Variants in ZC3HC1 observed in about 807,000 individuals in gnomAD.
The protein encoded by ZC3HC1 is zinc finger C3HC-type containing 1, also known as zinc finger C3HC-type protein 1.
In ZC3HC1, 38 loss-of-function variants were observed where a neutral mutation model predicts 61.9. The ratio of observed to expected loss-of-function variants is 0.61; its 90% CI spans 0.47 to 0.81. The LOEUF (loss-of-function observed/expected upper bound fraction) is 0.81. Ranked by LOEUF, ZC3HC1 falls within the 30% of genes least tolerant of loss-of-function variation. The probability of loss-of-function intolerance (pLI) is 0.00; values close to 1 mark genes in which losing one functional copy is unlikely to be tolerated. For synonymous variants in ZC3HC1, 213 were observed against 229.9 expected (o/e 0.93, Z 0.67); for missense variants, 554 against 622.7 (o/e 0.89, Z 1.17).
intron 3 of ZC3HC1, 134 bp from the exon 4 acceptor site, chr7:130,039,681 T>A (rs565917462): frequency 1.7e-6 from 1 of 597,044 alleles, no homozygotes; most frequent in Non-Finnish European, 2.8e-6. Context: ...AAGTACATAA[T>A]CTTAATATTT....
intron 9 of ZC3HC1, among the ~76,000 whole-genome samples, chr7:130,021,021 C>G (rs1793620560): frequency 6.6e-6 from 1 of 152,070 alleles, no homozygotes; most frequent in Non-Finnish European, 1.5e-5. Flanking sequence ...CCTCAGCCTC[C>G]CCAATAGCTG....
In ZC3HC1 at chr7:130,022,428, C is replaced by T. The variant is rs749553313; in HGVS notation, c.1331G>A (p.Gly444Asp). 1.9e-6 allele frequency: 3 copies of T among 1,612,218 alleles called. No individual in the cohort carries two copies. In the South Asian group the frequency reaches 3.3e-5, roughly 18 times the overall value. The change falls in exon 9 of 10, where the codon GGT becomes GAT. Residue 444 changes from glycine (G) to aspartate (D), a missense_variant. By Grantham distance (94) the Gly-to-Asp change is moderately conservative. Transcript: ENST00000358303. ...GGCGCTGGCATCTGGTTCAGTTCCACCATTCTCCCTGCTTTCTTTGCCAAG... is the reference window on the plus strand; with the variant it reads ...GGCGCTGGCATCTGGTTCAGTTCCATCATTCTCCCTGCTTTCTTTGCCAAG... Reference protein sequence around the residue: ...ITLGKESRENGGTEPDASAPA... With the variant: ...ITLGKESRENDGTEPDASAPA...
At chr7:130,034,619 C>T (rs936687560) in intron 4 of ZC3HC1, among the ~76,000 whole-genome samples, 6 of 151,784 alleles carry the variant, frequency 4.0e-5, no homozygotes, top group Non-Finnish European at 7.4e-5. Context: ...TTCAACCTCA[C>T]GAGTAGCTTA....
intron 7 of ZC3HC1, 105 bp downstream of exon 7, chr7:130,024,158 G>A: frequency 4.9e-6 from 7 of 1,426,722 alleles, no homozygotes; most frequent in Non-Finnish European, 6.6e-6. Flanking sequence ...CCAATGTAGT[G>A]GGAAGAGAAG....
At position 130,046,249 on chromosome 7, in the gene ZC3HC1, C is replaced by T. The variant is rs148918683; in HGVS notation, c.258+2784G>A. Among the ~76,000 whole-genome samples the T allele has an allele frequency of 1.4e-4, 21 of 152,196 alleles. No homozygotes were observed. The East Asian group carries it at 4.1e-3, about 29-fold the overall frequency. Reference sequence around the variant, plus strand: ...ATCTGTGCAGTAAACCACCATGGCACACGTTTACCTATGTAACAAACCCGC... The same window carrying T: ...ATCTGTGCAGTAAACCACCATGGCATACGTTTACCTATGTAACAAACCCGC... On this transcript the variant is annotated intron_variant, in intron 2 of 9. Coordinates refer to ENST00000358303, the MANE Select transcript of ZC3HC1 (RefSeq NM_016478.5).
At chr7:130,021,888 G>A (rs1222017804) in intron 9 of ZC3HC1, among the ~76,000 whole-genome samples, 4 of 152,094 alleles carry the variant, frequency 2.6e-5, no homozygotes, top group Non-Finnish European at 4.4e-5. Context: ...CTAACTTGAC[G>A]TATAAGCCGG....
intron 2 of ZC3HC1, among the ~76,000 whole-genome samples, chr7:130,044,429 CTTG>C: frequency 6.6e-6 from 1 of 152,260 alleles, no homozygotes; most frequent in East Asian, 1.9e-4. Context: ...CCGAGAACAA[CTTG>C]TTCCTGAAAG....
Position 130,018,607 on chromosome 7 carries a change from A to C in ZC3HC1, c.*57T>G. 1 of 1,504,770 alleles carries C rather than the reference A, an allele frequency of 6.6e-7. No homozygotes were observed. Among genetic ancestry groups the C allele is most frequent in the Non-Finnish European group, 9.2e-7 (1 of 1,091,270 alleles). The allele number at this position is 1,504,770 out of a possible 1,614,324, so 93.2% of individuals were successfully genotyped here. A position where few individuals can be genotyped will look rare whatever the true frequency, so the allele number is the denominator to read the frequency against. On this transcript the variant is annotated 3_prime_UTR_variant, in exon 10 of 10. Transcript: ENST00000358303. ...AGCTGACCGAAAGGAACTCAGCCTT[A>C]ATTTTTCAAAAAGTCACTCTCATTC...
intron 2 of ZC3HC1, among the ~76,000 whole-genome samples, chr7:130,042,623 T>A (rs1013713415): frequency 6.6e-6 from 1 of 152,204 alleles, no homozygotes; most frequent in Non-Finnish European, 1.5e-5. Context: ...AAGTATGTAT[T>A]TGGAAAGGTA....
intron 9 of ZC3HC1, among the ~76,000 whole-genome samples, chr7:130,021,199 C>T (rs1793629508): frequency 6.6e-6 from 1 of 152,170 alleles, no homozygotes; most frequent in South Asian, 2.1e-4. Context: ...AGCCACCACA[C>T]CCAGCCATGC....
Position 130,028,911 on chromosome 7 carries a change from C to G in ZC3HC1, c.612G>C (p.Leu204Phe), listed in dbSNP as rs1794049485. 2 of 1,612,830 alleles carry G rather than the reference C, an allele frequency of 1.2e-6. No individual in the cohort carries two copies. Among genetic ancestry groups the G allele is most frequent in the Non-Finnish European group, 1.7e-6 (2 of 1,179,240 alleles). Residue 204 changes from leucine to phenylalanine, a missense_variant, in exon 5 of 10, where the codon TTG becomes TTC. Transcript: ENST00000358303. ...LQLPSLRPED[L>F]KTMCLTEDKI... ...GTCAGGAAAAACTCACCATAGTTTT[C>G]AAGTCCTCCGGCCTTAGGGAAGGAA... is the stretch of plus-strand genomic sequence containing the variant.
At chr7:130,029,473 T>C (rs980173109) in intron 4 of ZC3HC1, among the ~76,000 whole-genome samples, 2 of 152,202 alleles carry the variant, frequency 1.3e-5, no homozygotes, top group Non-Finnish European at 2.9e-5. Context: ...CAGGAAATTA[T>C]TGTTTTTCAT....
intron 3 of ZC3HC1, 55 bp downstream of exon 3, chr7:130,040,896 C>A: frequency 5.5e-6 from 8 of 1,447,878 alleles, no homozygotes; most frequent in African/African-American, 2.9e-5. Context: ...CCCAGAAAAC[C>A]AGGATAGTAT....
intron 5 of ZC3HC1, among the ~76,000 whole-genome samples, chr7:130,028,143 G>A (rs1422327322): frequency 9.3e-6 from 1 of 107,754 alleles, no homozygotes; most frequent in African/African-American, 3.8e-5. Context: ...ACAGCCTGGC[G>A]ACAGAACAAG....
chr7:130,042,573 G>A (rs1230147547), intron 2 of ZC3HC1, among the ~76,000 whole-genome samples: 2 of 152,204 alleles, frequency 1.3e-5, no homozygotes, highest in African/African-American at 4.8e-5. Context: ...TATCAATGGG[G>A]ATGTGTGAGA....
At chr7:130,041,795 G>A (rs1794685792) in intron 2 of ZC3HC1, among the ~76,000 whole-genome samples, 1 of 152,044 alleles carries the variant, frequency 6.6e-6, no homozygotes. Context: ...CCAAAGTGCT[G>A]CAATTACAGG....
At chr7:130,021,333 A>G (rs184525163) in intron 9 of ZC3HC1, among the ~76,000 whole-genome samples, 242 of 152,354 alleles carry the variant, frequency 1.6e-3, no homozygotes, top group African/African-American at 5.5e-3. Context: ...TTTGTCCTTG[A>G]AAGTTATAGA....
intron 4 of ZC3HC1, among the ~76,000 whole-genome samples, chr7:130,034,101 T>C (rs1031135657): frequency 6.6e-6 from 1 of 152,178 alleles, no homozygotes; most frequent in African/African-American, 2.4e-5. Flanking sequence ...GTTTCTATTT[T>C]AACACCTTGA....
intron 1 of ZC3HC1, among the ~76,000 whole-genome samples, chr7:130,050,800 T>G (rs1299717755): frequency 1.3e-5 from 2 of 152,240 alleles, no homozygotes; most frequent in Non-Finnish European, 2.9e-5. Context: ...TTTACCATCT[T>G]GATAACTACA....
Sources: gnomAD v4.1 joint callset for allele counts (sites outside exome capture counted in the v4.1 genomes callset) on GRCh38, gnomAD v4.1.1 for gene constraint, MANE v1.5 for transcripts, NCBI Gene and HGNC (gene_info 2026-07-23, HGNC 2026-07-21) for gene names.